The following GAB2 variants were observed in gnomAD, a reference collection of about 807,000 sequenced individuals.
GAB2 encodes GRB2-associated-binding protein 2.
Under a neutral mutation model 65.5 loss-of-function variants are expected in GAB2, and 26 were observed. That is an observed-to-expected ratio of 0.40 (90% CI 0.29 to 0.55). The LOEUF (loss-of-function observed/expected upper bound fraction) is 0.55, where lower values mean the gene tolerates loss of function less well. Ranked by LOEUF, GAB2 falls within the 20% of genes least tolerant of loss-of-function variation. The pLI, the probability that GAB2 is intolerant of heterozygous loss-of-function variation, is 0.53. For synonymous variants in GAB2, 321 were observed against 329.6 expected (o/e 0.97, Z 0.28); for missense variants, 884 against 875.8 (o/e 1.01, Z -0.12).
At chr11:78,257,684 C>T (rs1013758865) in intron 2 of GAB2, among the ~76,000 whole-genome samples, 8 of 152,040 alleles carry the variant, frequency 5.3e-5, no homozygotes, top group African/African-American at 1.2e-4. Flanking sequence ...AATTATATGC[C>T]GTACAGATGG....
intron 1 of GAB2, among the ~76,000 whole-genome samples, chr11:78,291,550 T>TTTTTC (rs1866676048): frequency 5.1e-5 from 5 of 98,754 alleles, no homozygotes; most frequent in Admixed American, 9.8e-5. Context: ...GAGACTTACT[T>TTTTTC]TTTTCTTTTT....
At chr11:78,316,680 T>C (rs985151322) in intron 1 of GAB2, among the ~76,000 whole-genome samples, 1 of 152,118 alleles carries the variant, frequency 6.6e-6, no homozygotes, top group Admixed American at 6.5e-5. Flanking sequence ...TTGTGCAATG[T>C]TGGTGGGGAT....
chr11:78,285,903 T>G (rs1302626781), intron 1 of GAB2, among the ~76,000 whole-genome samples: 1 of 152,246 alleles, frequency 6.6e-6, no homozygotes, highest in East Asian at 1.9e-4. Flanking sequence ...ATGCTTTTTA[T>G]GTTCTTTTCA....
chr11:78,347,172 A>G (rs984714543), intron 1 of GAB2, among the ~76,000 whole-genome samples: 2 of 152,154 alleles, frequency 1.3e-5, no homozygotes, highest in African/African-American at 4.8e-5. Context: ...GGCACCAAAA[A>G]AAGTTGTATT....
At chr11:78,253,251 C>G (rs1250594536) in intron 2 of GAB2, among the ~76,000 whole-genome samples, 1 of 152,070 alleles carries the variant, frequency 6.6e-6, no homozygotes, top group East Asian at 1.9e-4. Flanking sequence ...GCCTCAGCCT[C>G]TCAAAGTGCT....
At chr11:78,254,937 A>G (rs1865556487) in intron 2 of GAB2, among the ~76,000 whole-genome samples, 1 of 152,000 alleles carries the variant, frequency 6.6e-6, no homozygotes, top group Admixed American at 6.6e-5. Context: ...AATTTATGTG[A>G]TTATTTCTTA....
At chr11:78,258,172 G>A (rs917349471) in intron 2 of GAB2, among the ~76,000 whole-genome samples, 36 of 152,184 alleles carry the variant, frequency 2.4e-4, no homozygotes, top group African/African-American at 8.2e-4. Flanking sequence ...AAATGTAAAT[G>A]CAGAGGGCTG....
chr11:78,339,469 A>G (rs775582579), intron 1 of GAB2, among the ~76,000 whole-genome samples: 13 of 152,202 alleles, frequency 8.5e-5, no homozygotes, highest in South Asian at 2.1e-4. Flanking sequence ...ATAGCAGACT[A>G]TATCTGGAGA....
Position 78,243,425 on chromosome 11 carries a change from G to A in GAB2, c.620+6732C>T, listed in dbSNP as rs1020594223. 7.9e-5 allele frequency among the ~76,000 whole-genome samples: 12 copies of A among 151,992 alleles called. 1 individual carries two copies. Among genetic ancestry groups the A allele is most frequent in the South Asian group, 4.1e-4 (2 of 4,822 alleles). Reference sequence around the variant, plus strand: ...GGAGGTTGCAGTGAGCCAAAATCGCGCAGCTGCACACCAGCCTGGGTGACA... The same window carrying A: ...GGAGGTTGCAGTGAGCCAAAATCGCACAGCTGCACACCAGCCTGGGTGACA... On this transcript the variant is annotated intron_variant, in intron 3 of 9. Coordinates refer to ENST00000361507, the MANE Select transcript of GAB2 (RefSeq NM_080491.3).
At chr11:78,300,578 A>G (rs1208180988) in intron 1 of GAB2, among the ~76,000 whole-genome samples, 1 of 151,296 alleles carries the variant, frequency 6.6e-6, no homozygotes, top group Non-Finnish European at 1.5e-5. Context: ...CTGTTTTTGC[A>G]GTCCTATCAA....
chr11:78,334,889 C>T (rs920672660), intron 1 of GAB2, among the ~76,000 whole-genome samples: 5 of 152,216 alleles, frequency 3.3e-5, no homozygotes, highest in African/African-American at 9.7e-5. Context: ...TTCCTTTTCT[C>T]TACATCCTCG....
intron 3 of GAB2, 68 bp downstream of exon 3, chr11:78,250,088 CA>C: frequency 6.6e-7 from 1 of 1,507,702 alleles, no homozygotes; most frequent in Non-Finnish European, 9.2e-7. Flanking sequence ...TTTAAAAAAG[CA>C]AGGACTGAAA....
At chr11:78,341,939 C>T in intron 1 of GAB2, 1 of 957,074 alleles carries the variant, frequency 1.0e-6, no homozygotes, top group Non-Finnish European at 1.2e-6. Context: ...TCAGAATCTC[C>T]ACCAGCCTGT....
At chr11:78,265,983 G>A (rs967178062) in intron 2 of GAB2, among the ~76,000 whole-genome samples, 8 of 152,156 alleles carry the variant, frequency 5.3e-5, no homozygotes, top group Non-Finnish European at 7.4e-5. Context: ...GGGAGGCTGA[G>A]GCAGGTGGAT....
intron 6 of GAB2, 66 bp from the exon 7 acceptor site, chr11:78,222,261 A>G: frequency 1.0e-6 from 1 of 979,048 alleles, no homozygotes; most frequent in Non-Finnish European, 1.7e-6. Flanking sequence ...CACACCTTAT[A>G]TATAACACAT....
chr11:78,373,955 G>C (rs1471712213), intron 1 of GAB2, among the ~76,000 whole-genome samples: 2 of 152,190 alleles, frequency 1.3e-5, no homozygotes, highest in African/African-American at 4.8e-5. Flanking sequence ...CTTGTTAAAG[G>C]AATTAGTTCT....
At chr11:78,325,402 T>G (rs578136572) in intron 1 of GAB2, among the ~76,000 whole-genome samples, 10 of 152,288 alleles carry the variant, frequency 6.6e-5, no homozygotes, top group Non-Finnish European at 1.2e-4. Flanking sequence ...CAGAATTAAT[T>G]AGTGGCAGAG....
chr11:78,240,549 G>T (rs1271190581), intron 3 of GAB2, among the ~76,000 whole-genome samples: 1 of 151,882 alleles, frequency 6.6e-6, no homozygotes, highest in African/African-American at 2.4e-5. Flanking sequence ...GCTGTTCCCT[G>T]CCCCTCTGTA....
At chr11:78,364,965 G>A (rs1416900231) in intron 1 of GAB2, among the ~76,000 whole-genome samples, 1 of 152,086 alleles carries the variant, frequency 6.6e-6, no homozygotes, top group Non-Finnish European at 1.5e-5. Flanking sequence ...TGAAATACAA[G>A]GGTGGGAATG....
Sources: allele counts gnomAD v4.1 joint callset (sites outside exome capture counted in the v4.1 genomes callset), GRCh38; gene constraint gnomAD v4.1.1; transcripts MANE v1.5; gene names NCBI Gene and HGNC (gene_info 2026-07-23, HGNC 2026-07-21).